Variants in PRUNE2 observed in about 807,000 individuals in gnomAD.
PRUNE2 encodes the protein protein prune homolog 2.
A neutral mutation model predicts 252.0 loss-of-function variants in PRUNE2; 164 were observed. That is an observed-to-expected ratio of 0.65 (90% CI 0.57 to 0.74). PRUNE2 has a LOEUF of 0.74. Ranked by LOEUF, PRUNE2 falls within the 30% of genes least tolerant of loss-of-function variation. PRUNE2 has a pLI of 0.00. For synonymous variants in PRUNE2, 1,292 were observed against 1,350.2 expected, an observed-to-expected ratio of 0.96 and a Z score of 0.94; for missense variants, 3,495 against 3,711.0, an observed-to-expected ratio of 0.94 and a Z score of 1.51.
chr9:76,626,877 C>T (rs964396255), intron 16 of PRUNE2, among the ~76,000 whole-genome samples: 4 of 152,080 alleles, frequency 2.6e-5, no homozygotes, highest in Admixed American at 6.6e-5. Flanking sequence ...ATTAATTAAT[C>T]ATTTTAATAG....
chr9:76,748,317 A>G (rs2050316999), intron 6 of PRUNE2, among the ~76,000 whole-genome samples: 1 of 152,204 alleles, frequency 6.6e-6, no homozygotes, highest in Admixed American at 6.5e-5. Context: ...CAGAATACAA[A>G]GCTGAAGACA....
At chr9:76,702,195 G>T (rs1564077907) in intron 9 of PRUNE2, among the ~76,000 whole-genome samples, 1 of 151,954 alleles carries the variant, frequency 6.6e-6, no homozygotes, top group Non-Finnish European at 1.5e-5. Flanking sequence ...AAGTAGCTGG[G>T]ATTACAGGTG....
At chr9:76,638,338 A>G in intron 12 of PRUNE2, 50 bp from the exon 13 acceptor site, 1 of 1,259,186 alleles carries the variant, frequency 7.9e-7, no homozygotes, top group Non-Finnish European at 1.2e-6. Flanking sequence ...GCTCTTAACA[A>G]GGTAATATCT....
At chr9:76,889,775 A>G (rs955611681) in intron 1 of PRUNE2, among the ~76,000 whole-genome samples, 2 of 152,180 alleles carry the variant, frequency 1.3e-5, no homozygotes, top group African/African-American at 4.8e-5. Context: ...ACCTTCTCCC[A>G]GCTGTGCAGC....
chr9:76,855,082 A>AAAAAAAAAAAATATATATAT (rs1490285240), intron 1 of PRUNE2, among the ~76,000 whole-genome samples: 1 of 109,438 alleles, frequency 9.1e-6, no homozygotes, highest in African/African-American at 3.9e-5. Flanking sequence ...AAAAAAAAAA[A>AAAAAAAAAAAATATATATAT]ATATATATAT....
rs754310806 is a variant in PRUNE2, at chr9:76,707,099, C to A, written c.5175G>T (p.Lys1725Asn). 8.1e-5 allele frequency: 131 copies of A among 1,613,840 alleles called. No homozygotes were observed. The highest frequency in any genetic ancestry group is 1.5e-4 in the Admixed American group (9 of 60,000). Residue 1725 changes from lysine (K) to asparagine (N), a missense_variant, in exon 8 of 19, where the codon AAG (lysine) becomes AAT (asparagine). Coordinates refer to ENST00000376718, the MANE Select transcript of PRUNE2 (RefSeq NM_015225.3). Reference sequence around the variant, plus strand: ...ACTTAGGATCAGCTGTGACCAAGAACTTATTAGATTCATTCAATGAATCCC... The same window carrying A: ...ACTTAGGATCAGCTGTGACCAAGAAATTATTAGATTCATTCAATGAATCCC... ...RAWDSLNESN[K>N]FLVTADPKSE...
intron 6 of PRUNE2, among the ~76,000 whole-genome samples, chr9:76,771,353 A>G (rs2053081449): frequency 6.6e-6 from 1 of 152,232 alleles, no homozygotes. Context: ...TCAGAGTTAC[A>G]GAGTCCTCAA....
intron 1 of PRUNE2, among the ~76,000 whole-genome samples, chr9:76,898,799 T>C (rs1025882893): frequency 1.3e-5 from 2 of 152,304 alleles, no homozygotes; most frequent in African/African-American, 4.8e-5. Flanking sequence ...GCCAAAGATA[T>C]GCAATTTTCC....
intron 9 of PRUNE2, among the ~76,000 whole-genome samples, chr9:76,685,555 T>C (rs2043990901): frequency 6.6e-6 from 1 of 152,190 alleles, no homozygotes; most frequent in Non-Finnish European, 1.5e-5. Context: ...CATAGTTCAA[T>C]ATGAATGGCA....
intron 17 of PRUNE2, among the ~76,000 whole-genome samples, chr9:76,623,518 C>T (rs1833323566): frequency 6.6e-6 from 1 of 152,176 alleles, no homozygotes; most frequent in Non-Finnish European, 1.5e-5. Context: ...TGGTCTCGAT[C>T]TCCTGACCTC....
chr9:76,893,348 CACAACGAGAAAT>C (rs1214402017), intron 1 of PRUNE2, among the ~76,000 whole-genome samples: 1 of 152,216 alleles, frequency 6.6e-6, no homozygotes, highest in Non-Finnish European at 1.5e-5. Flanking sequence ...CTCACAGTTA[CACAACGAGAAAT>C]CGTAAATAAA....
At chr9:76,663,345 G>C (rs983841355) in intron 9 of PRUNE2, among the ~76,000 whole-genome samples, 1 of 152,212 alleles carries the variant, frequency 6.6e-6, no homozygotes, top group African/African-American at 2.4e-5. Context: ...AGATGAAGGA[G>C]GGAGGTGAGA....
chr9:76,707,096 G>T lies in PRUNE2; in HGVS notation c.5178C>A (p.Phe1726Leu). 2.5e-6 allele frequency: 4 copies of T among 1,613,930 alleles called. No individual in the cohort carries two copies. Among genetic ancestry groups the T allele is most frequent in the Non-Finnish European group, 3.4e-6 (4 of 1,179,876 alleles). Residue 1726 changes from phenylalanine to leucine, a missense_variant, in exon 8 of 19, where the codon TTC becomes TTA. By Grantham distance (22) the Phe-to-Leu change is conservative (BLOSUM62 0). Coordinates refer to ENST00000376718, the MANE Select transcript of PRUNE2 (RefSeq NM_015225.3). ...AWDSLNESNK[F>L]LVTADPKSEN... ...CAGACTTAGGATCAGCTGTGACCAA[G>T]AACTTATTAGATTCATTCAATGAAT...
intron 6 of PRUNE2, among the ~76,000 whole-genome samples, chr9:76,792,842 T>C (rs1393598552): frequency 6.6e-6 from 1 of 152,244 alleles, no homozygotes; most frequent in Non-Finnish European, 1.5e-5. Context: ...TGTAAACATA[T>C]TTGTTTCTCT....
In PRUNE2 at chr9:76,710,551, C is replaced by A. The variant is rs2134999836; in HGVS notation, c.1723G>T (p.Asp575Tyr). The A allele has an allele frequency of 6.2e-7, 1 of 1,613,946 alleles. No homozygotes were observed. Among genetic ancestry groups the A allele is most frequent in the Non-Finnish European group, 8.5e-7 (1 of 1,179,872 alleles). ...EHDEEFVQRQ[D>Y]SPRDNSERNL... ...CTTTCAGAGTTATCTCTGGGACTGT[C>A]TTGTCTCTGGACAAACTCCTCATCA... is the stretch of plus-strand genomic sequence containing the variant. The change falls in exon 8 of 19, where the codon GAC becomes TAC. Residue 575 changes from aspartate to tyrosine, a missense_variant. Physicochemically the swap from Asp to Tyr is radical, Grantham distance 160 (BLOSUM62 -3). Transcript: ENST00000376718.
chr9:76,783,956 T>C (rs1015699892), intron 6 of PRUNE2: 2 of 152,212 alleles, frequency 1.3e-5, no homozygotes, highest in Non-Finnish European at 2.9e-5. Flanking sequence ...CTCTACTCGT[T>C]TCTATCCTTC....
intron 11 of PRUNE2, among the ~76,000 whole-genome samples, chr9:76,650,528 A>G (rs541432559): frequency 6.6e-6 from 1 of 152,102 alleles, no homozygotes; most frequent in South Asian, 2.1e-4. Context: ...TTATAATCCA[A>G]CCCTCTTATA....
intron 6 of PRUNE2, among the ~76,000 whole-genome samples, chr9:76,789,773 T>C (rs1408047546): frequency 1.3e-5 from 2 of 152,072 alleles, no homozygotes; most frequent in African/African-American, 2.4e-5. Context: ...TCCTCTCACA[T>C]CCTGAAAGTC....
intron 1 of PRUNE2, among the ~76,000 whole-genome samples, chr9:76,901,867 C>T (rs1009882124): frequency 1.3e-5 from 2 of 152,216 alleles, no homozygotes; most frequent in Admixed American, 1.3e-4. Flanking sequence ...GACTGTCCAC[C>T]TTCTTGTTGA....
Sources: gnomAD v4.1 joint callset for allele counts (sites outside exome capture counted in the v4.1 genomes callset) on GRCh38, gnomAD v4.1.1 for gene constraint, MANE v1.5 for transcripts, NCBI Gene and HGNC (gene_info 2026-07-23, HGNC 2026-07-21) for gene names.